DTNA: variants seen among roughly 807,000 people sequenced by gnomAD.
DTNA encodes dystrophin-related protein 3.
A neutral mutation model predicts 100.7 loss-of-function variants in DTNA; 43 were observed. That is an observed-to-expected ratio of 0.43 (90% CI 0.33 to 0.55). The LOEUF (loss-of-function observed/expected upper bound fraction) is 0.55. DTNA is among the 20% of genes least tolerant of loss of function. The pLI is 0.04. For missense variants in DTNA, 798 were observed against 953.9 expected (o/e 0.84, Z 2.15); for synonymous variants, 349 against 347.9 (o/e 1.00, Z -0.04).
chr18:34,773,762 A>C (rs2093904248), intron 3 of DTNA, among the ~76,000 whole-genome samples: 1 of 152,238 alleles, frequency 6.6e-6, no homozygotes, highest in East Asian at 1.9e-4. Flanking sequence ...ACCTATGGCA[A>C]AATTATTTCC....
At chr18:34,567,302 T>C (rs1283175960) in intron 1 of DTNA, among the ~76,000 whole-genome samples, 1 of 152,210 alleles carries the variant, frequency 6.6e-6, no homozygotes, top group African/African-American at 2.4e-5. Context: ...AGTATGTTTA[T>C]TTTAAAAACT....
intron 1 of DTNA, 100 bp downstream of exon 1, chr18:34,710,545 C>T (rs372129566): frequency 6.6e-6 from 1 of 152,154 alleles, no homozygotes; most frequent in South Asian, 2.1e-4. Flanking sequence ...CCCCCACCCC[C>T]ACATGGGCAC....
intron 3 of DTNA, among the ~76,000 whole-genome samples, chr18:34,774,798 TC>T (rs1478037896): frequency 6.6e-6 from 1 of 152,192 alleles, no homozygotes; most frequent in Admixed American, 6.5e-5. Context: ...ATTCAGCGAA[TC>T]CTTTTAAAAG....
intron 17 of DTNA, chr18:34,868,951 G>A: frequency 4.7e-6 from 1 of 214,254 alleles, no homozygotes; most frequent in Non-Finnish European, 8.0e-6. Context: ...CAGAGTTTCT[G>A]GTACACTTCC....
At chr18:34,770,865 C>G (rs962432397) in intron 3 of DTNA, among the ~76,000 whole-genome samples, 1 of 147,592 alleles carries the variant, frequency 6.8e-6, no homozygotes, top group Non-Finnish European at 1.5e-5. Context: ...TCACTGCAAC[C>G]TCTGCCTCCT....
chr18:34,563,214 A>G (rs1344956416), intron 1 of DTNA, among the ~76,000 whole-genome samples: 1 of 152,212 alleles, frequency 6.6e-6, no homozygotes. Flanking sequence ...CCTACTGGGA[A>G]GGTCATTTAG....
At chr18:34,555,829 GA>G (rs1391861166) in intron 1 of DTNA, among the ~76,000 whole-genome samples, 6 of 152,220 alleles carry the variant, frequency 3.9e-5, no homozygotes, top group African/African-American at 1.2e-4. Flanking sequence ...GTGTGGTGCT[GA>G]AAAAAATGTA....
chr18:34,609,454 C>T (rs1295936617), intron 1 of DTNA, among the ~76,000 whole-genome samples: 1 of 152,040 alleles, frequency 6.6e-6, no homozygotes, highest in African/African-American at 2.4e-5. Flanking sequence ...CCGTGTTAGC[C>T]AGGATGGTCT....
intron 3 of DTNA, among the ~76,000 whole-genome samples, chr18:34,792,387 C>T (rs2094787456): frequency 6.6e-6 from 1 of 152,016 alleles, no homozygotes; most frequent in Non-Finnish European, 1.5e-5. Flanking sequence ...TACCAAAAGT[C>T]AGAAACCATA....
chr18:34,821,368 CA>C (rs1308412796), intron 9 of DTNA: 34 of 440,562 alleles, frequency 7.7e-5, no homozygotes, highest in African/African-American at 6.7e-4. Context: ...TTTTTCATCC[CA>C]AGCTGTATAA....
At chr18:34,641,652 C>G (rs753682585) in intron 1 of DTNA, among the ~76,000 whole-genome samples, 93 of 152,210 alleles carry the variant, frequency 6.1e-4, no homozygotes, top group Non-Finnish European at 9.6e-4. Flanking sequence ...CAACCTATCC[C>G]TCCTATTGAA....
At chr18:34,686,434 AC>A (rs2078910761) in intron 1 of DTNA, among the ~76,000 whole-genome samples, 1 of 152,126 alleles carries the variant, frequency 6.6e-6, no homozygotes, top group South Asian at 2.1e-4. Flanking sequence ...TATGTGATGG[AC>A]TACGTTTATT....
At chr18:34,839,270 A>G (rs1156344277) in intron 13 of DTNA, among the ~76,000 whole-genome samples, 1 of 152,218 alleles carries the variant, frequency 6.6e-6, no homozygotes, top group Non-Finnish European at 1.5e-5. Flanking sequence ...ATGCGATGTG[A>G]TTGAATCACA....
At chr18:34,700,609 C>T (rs1228557787) in intron 1 of DTNA, among the ~76,000 whole-genome samples, 1 of 152,246 alleles carries the variant, frequency 6.6e-6, no homozygotes, top group Non-Finnish European at 1.5e-5. Flanking sequence ...TTTACTATTA[C>T]TTGTGTCTAT....
chr18:34,514,219 TG>T (rs1219967751), intron 1 of DTNA, among the ~76,000 whole-genome samples: 2 of 152,120 alleles, frequency 1.3e-5, no homozygotes, highest in Non-Finnish European at 2.9e-5. Context: ...TGCATGTGTT[TG>T]TGTATGTGTG....
chr18:34,794,290 G>A, intron 4 of DTNA, 40 bp downstream of exon 4: 1 of 1,611,080 alleles, frequency 6.2e-7, no homozygotes, highest in Non-Finnish European at 8.5e-7. Context: ...CTACATGTTT[G>A]GCTTTCACTT....
At chr18:34,536,224 G>T (rs1568608998) in intron 1 of DTNA, among the ~76,000 whole-genome samples, 1 of 151,802 alleles carries the variant, frequency 6.6e-6, no homozygotes, top group Non-Finnish European at 1.5e-5. Context: ...TATGTCATTT[G>T]ATTCTAATTA....
chr18:34,512,544 T>G (rs1034607750), intron 1 of DTNA, among the ~76,000 whole-genome samples: 4 of 152,026 alleles, frequency 2.6e-5, no homozygotes, highest in Non-Finnish European at 5.9e-5. Flanking sequence ...CTTCCATCTT[T>G]TATGGTGGTG....
chr18:34,561,116 T>C (rs556709864), intron 1 of DTNA, among the ~76,000 whole-genome samples: 2 of 152,296 alleles, frequency 1.3e-5, no homozygotes, highest in South Asian at 4.1e-4. Context: ...GTGAAGAGGA[T>C]AGCTTTACCA....
Sources: allele counts gnomAD v4.1 joint callset (sites outside exome capture counted in the v4.1 genomes callset), GRCh38; gene constraint gnomAD v4.1.1; transcripts MANE v1.5; gene names NCBI Gene and HGNC (gene_info 2026-07-23, HGNC 2026-07-21).